The following MCTP2 variants were observed in gnomAD, a reference collection of about 807,000 sequenced individuals.
The protein encoded by MCTP2 is multiple C2 and transmembrane domain-containing protein 2.
A neutral mutation model predicts 111.6 loss-of-function variants in MCTP2; 132 were observed. That is an observed-to-expected ratio of 1.18 (90% CI 1.03 to 1.37). The LOEUF is 1.37. MCTP2 is among the 40% of genes most tolerant of loss of function. MCTP2 has a pLI of 0.00. For missense variants in MCTP2, 1,183 were observed against 1,067.9 expected, an observed-to-expected ratio of 1.11 and a Z score of -1.50; for synonymous variants, 395 against 387.7, an observed-to-expected ratio of 1.02 and a Z score of -0.22.
chr15:94,441,000 CT>C lies in MCTP2; in HGVS notation c.2208+711del, dbSNP rs112016997. On this transcript the variant is annotated intron_variant, in intron 18 of 22. Coordinates refer to ENST00000357742, the MANE Select transcript of MCTP2 (RefSeq NM_001385001.1). ...GTGGCCAGGAACTTGTATTTGTAGG[CT>C]TTTTTTTTATGATGTAATCTAGGCA... 5.2e-3 allele frequency among the ~76,000 whole-genome samples: 780 copies of C among 151,350 alleles called. 6 individuals are homozygous for C. Among genetic ancestry groups the C allele is most frequent in the African/African-American group, 0.017 (681 of 41,258 alleles).
At chr15:94,325,095 T>C (rs7171322) in intron 4 of MCTP2, among the ~76,000 whole-genome samples, 70,141 of 151,978 alleles carry the variant, frequency 0.46, 17,917 homozygotes, top group East Asian at 0.64. Flanking sequence ...TTGTTTTGTG[T>C]CATGATGTGA....
chr15:94,366,157 T>A (rs577968543), intron 10 of MCTP2, among the ~76,000 whole-genome samples: 2 of 152,206 alleles, frequency 1.3e-5, no homozygotes, highest in African/African-American at 4.8e-5. Context: ...TCATAGATAG[T>A]AATGCAATTT....
At chr15:94,462,857 A>G (rs2085300928) in intron 20 of MCTP2, among the ~76,000 whole-genome samples, 1 of 152,190 alleles carries the variant, frequency 6.6e-6, no homozygotes, top group African/African-American at 2.4e-5. Flanking sequence ...AAGAGTTTAG[A>G]CCAATGGATG....
At chr15:94,282,725 A>G (rs532224755) in intron 1 of MCTP2, among the ~76,000 whole-genome samples, 8 of 151,732 alleles carry the variant, frequency 5.3e-5, no homozygotes, top group African/African-American at 1.9e-4. Context: ...TTGCTTTTAT[A>G]CTCTTTGATC....
intron 14 of MCTP2, among the ~76,000 whole-genome samples, chr15:94,392,543 G>A (rs1346157073): frequency 6.6e-6 from 1 of 152,052 alleles, no homozygotes; most frequent in Non-Finnish European, 1.5e-5. Flanking sequence ...GGCTGGGTGT[G>A]GTGGCTCACA....
chr15:94,338,075 A>G (rs974296871), intron 4 of MCTP2, among the ~76,000 whole-genome samples: 4 of 152,238 alleles, frequency 2.6e-5, no homozygotes, highest in Non-Finnish European at 5.9e-5. Context: ...GATAAATGTT[A>G]TGATACAGTA....
At chr15:94,380,108 C>G (rs1324071196) in intron 12 of MCTP2, among the ~76,000 whole-genome samples, 1 of 152,004 alleles carries the variant, frequency 6.6e-6, no homozygotes, top group Non-Finnish European at 1.5e-5. Context: ...ATGCTCTCGT[C>G]TGCATTTCAC....
intron 1 of MCTP2, among the ~76,000 whole-genome samples, chr15:94,276,598 C>T (rs1171747924): frequency 6.8e-6 from 1 of 147,204 alleles, no homozygotes; most frequent in Non-Finnish European, 1.5e-5. Flanking sequence ...CTAGTATGGA[C>T]AAATAATAAT....
intron 17 of MCTP2, among the ~76,000 whole-genome samples, chr15:94,429,393 C>G (rs2083056288): frequency 6.6e-6 from 1 of 152,158 alleles, no homozygotes; most frequent in Admixed American, 6.5e-5. Flanking sequence ...AGAGTTATGT[C>G]TCCTGTCTAC....
chr15:94,326,046 C>T (rs1750057805), intron 4 of MCTP2, among the ~76,000 whole-genome samples: 1 of 151,966 alleles, frequency 6.6e-6, no homozygotes, highest in African/African-American at 2.4e-5. Flanking sequence ...GTCTCGATCT[C>T]CTGACCTTGT....
chr15:94,289,932 G>C (rs1056770756), intron 1 of MCTP2, among the ~76,000 whole-genome samples: 1 of 152,104 alleles, frequency 6.6e-6, no homozygotes, highest in African/African-American at 2.4e-5. Context: ...AAGTGGAAGA[G>C]GAAAACAAAA....
At chr15:94,407,338 C>T (rs2081951660) in intron 17 of MCTP2, among the ~76,000 whole-genome samples, 1 of 152,184 alleles carries the variant, frequency 6.6e-6, no homozygotes. Context: ...ATTTCAGGCA[C>T]ACACCTATTG....
At chr15:94,344,388 C>T (rs2077845594) in intron 7 of MCTP2, among the ~76,000 whole-genome samples, 1 of 152,102 alleles carries the variant, frequency 6.6e-6, no homozygotes. Context: ...GAGTTGTAAC[C>T]TCCCAAATTT....
chr15:94,268,516 C>G (rs1160423920), intron 1 of MCTP2, among the ~76,000 whole-genome samples: 1 of 151,976 alleles, frequency 6.6e-6, no homozygotes, highest in Admixed American at 6.6e-5. Flanking sequence ...CTTTTTCAAT[C>G]TTTATTTTGT....
intron 7 of MCTP2, chr15:94,342,548 T>G (rs889768118): frequency 6.6e-6 from 1 of 152,004 alleles, no homozygotes; most frequent in Non-Finnish European, 1.5e-5. Flanking sequence ...GTACACTATA[T>G]TGATTATATA....
chr15:94,446,756 G>A (rs1463295280), intron 19 of MCTP2, among the ~76,000 whole-genome samples: 2 of 152,222 alleles, frequency 1.3e-5, no homozygotes, highest in East Asian at 3.8e-4. Flanking sequence ...TCCAAGGCTT[G>A]CATTGTGGGT....
At chr15:94,270,392 C>G (rs1253832782) in intron 1 of MCTP2, among the ~76,000 whole-genome samples, 1 of 152,124 alleles carries the variant, frequency 6.6e-6, no homozygotes, top group Non-Finnish European at 1.5e-5. Context: ...GAACACAGGA[C>G]CAGATGCTTA....
chr15:94,233,600 A>G (rs2070342436), intron 1 of MCTP2, among the ~76,000 whole-genome samples: 1 of 152,256 alleles, frequency 6.6e-6, no homozygotes, highest in Admixed American at 6.5e-5. Flanking sequence ...GTGCTCACAC[A>G]CGAATATATA....
chr15:94,258,669 AT>A (rs1432046872), intron 1 of MCTP2, among the ~76,000 whole-genome samples: 3 of 152,214 alleles, frequency 2.0e-5, no homozygotes, highest in African/African-American at 7.2e-5. Flanking sequence ...AACCAAAAAA[AT>A]CTTGTCTATT....
Sources: allele counts gnomAD v4.1 joint callset (sites outside exome capture counted in the v4.1 genomes callset), GRCh38; gene constraint gnomAD v4.1.1; transcripts MANE v1.5; gene names NCBI Gene and HGNC (gene_info 2026-07-23, HGNC 2026-07-21).